Variants in OVCH1 observed in about 807,000 individuals in gnomAD.
OVCH1 encodes ovochymase-1.
Under a neutral mutation model 138.4 loss-of-function variants are expected in OVCH1, and 139 were observed. That is an observed-to-expected ratio of 1.00 (90% CI 0.87 to 1.16). The LOEUF is 1.16. Among genes scored for constraint, OVCH1 ranks in the 50% most tolerant of loss-of-function variants. OVCH1 has a pLI of 0.00. For missense variants in OVCH1, 1,367 were observed against 1,357.9 expected (o/e 1.01, Z -0.11); for synonymous variants, 453 against 467.8 (o/e 0.97, Z 0.41).
intron 17 of OVCH1, 145 bp downstream of exon 17, chr12:29,465,002 G>T: frequency 2.6e-6 from 2 of 782,406 alleles, no homozygotes; most frequent in South Asian, 4.0e-5. Flanking sequence ...ATCTCAAATT[G>T]CATTTTTAAA....
At chr12:29,434,855 C>CT (rs1421829350) in intron 26 of OVCH1, among the ~76,000 whole-genome samples, 1 of 152,100 alleles carries the variant, frequency 6.6e-6, no homozygotes, top group Non-Finnish European at 1.5e-5. Flanking sequence ...GAATAGAGAG[C>CT]TGGATGTTCC....
chr12:29,416,912 T>C (rs889992897), intron 3 of OVCH1, among the ~76,000 whole-genome samples: 1 of 152,204 alleles, frequency 6.6e-6, no homozygotes, highest in African/African-American at 2.4e-5. Flanking sequence ...TAGATATGCT[T>C]TGACAGAAGA....
downstream of OVCH1, among the ~76,000 whole-genome samples, chr12:29,407,609 A>T (rs949399901): frequency 6.6e-6 from 1 of 151,770 alleles, no homozygotes; most frequent in Non-Finnish European, 1.5e-5. Context: ...CAAAGATCAG[A>T]TAGTTGTAGA....
At chr12:29,472,197 T>G (rs919903442) in intron 15 of OVCH1, among the ~76,000 whole-genome samples, 1 of 152,206 alleles carries the variant, frequency 6.6e-6, no homozygotes, top group Non-Finnish European at 1.5e-5. Flanking sequence ...GCCTACAGAA[T>G]TTTATTTATT....
At chr12:29,408,017 C>G (rs571378902), downstream of OVCH1, among the ~76,000 whole-genome samples, 15 of 140,348 alleles carry the variant, frequency 1.1e-4, no homozygotes, top group Admixed American at 4.3e-4. Flanking sequence ...TGAAGAGGTC[C>G]TTCACATCCC....
intron 15 of OVCH1, 66 bp from the exon 16 acceptor site, chr12:29,472,048 C>T (rs1942529966): frequency 6.9e-7 from 1 of 1,442,304 alleles, no homozygotes; most frequent in Non-Finnish European, 9.3e-7. Context: ...CCTCCAATAG[C>T]TTGCCATAGT....
At position 29,438,488 on chromosome 12, in the gene OVCH1, A is replaced by T. The variant is rs888228232; in HGVS notation, c.3264+840T>A. On this transcript the variant is annotated intron_variant, in intron 26 of 27. Transcript: ENST00000318184. ...CCAGAAAAAAAAAAATTCCATTGGGATTTAGTTGGAAAATATATTTTTAAA... is the reference window on the plus strand; with the variant it reads ...CCAGAAAAAAAAAAATTCCATTGGGTTTTAGTTGGAAAATATATTTTTAAA... 2.0e-5 allele frequency among the ~76,000 whole-genome samples: 3 copies of T among 151,714 alleles called. No individual in the cohort carries two copies. The East Asian group carries it at 5.8e-4, about 29-fold the overall frequency.
In OVCH1 at chr12:29,439,357, ATG is replaced by A. The variant is rs1410853469; in HGVS notation, c.3233_3234del (p.Thr1078IlefsTer12). 6 of 1,581,302 alleles carry A rather than the reference ATG, an allele frequency of 3.8e-6. No homozygotes were observed. The highest frequency in any genetic ancestry group is 5.1e-6 in the Non-Finnish European group (6 of 1,165,782). Reference sequence around the variant, plus strand: ...GAATTTTCCCATATATGCATGATATATGTGTTAATAAAATTCAGTTTTTCTCT... The same window carrying A: ...GAATTTTCCCATATATGCATGATATATGTTAATAAAATTCAGTTTTTCTCT... On this transcript the variant is annotated frameshift_variant, in exon 26 of 28. Transcript: ENST00000318184. LOFTEE classifies it high-confidence loss of function.
intron 4 of OVCH1, 114 bp from the exon 5 acceptor site, chr12:29,491,306 G>T: frequency 1.1e-6 from 1 of 873,744 alleles, no homozygotes; most frequent in Non-Finnish European, 1.7e-6. Flanking sequence ...TAAATGTAAT[G>T]GTGACATATT....
rs79093579 is a variant in OVCH1 at position 29,481,772 on chromosome 12, G to A, written c.996-2864C>T. Among the ~76,000 whole-genome samples the A allele has an allele frequency of 4.0e-3, 603 of 152,206 alleles. 26 individuals carry two copies. The East Asian group carries it at 0.091, about 23-fold the overall frequency. On this transcript the variant is annotated intron_variant, in intron 8 of 27. Transcript: ENST00000318184. ...CCTCTCTTGACCCTACTGTCTAAAAGCCACCACCCCAATGTTTCCATCTCA... is the reference window on the plus strand; with the variant it reads ...CCTCTCTTGACCCTACTGTCTAAAAACCACCACCCCAATGTTTCCATCTCA...
the OVCH1 span, among the ~76,000 whole-genome samples, chr12:29,407,278 T>A: frequency 7.6e-6 from 1 of 131,134 alleles, no homozygotes; most frequent in Admixed American, 7.6e-5. Context: ...CTGATGGTAG[T>A]TTCTTTCGCT....
Position 29,451,473 on chromosome 12 carries a change from AC to A in OVCH1, c.2626del (p.Val876CysfsTer30). The A allele has an allele frequency of 6.2e-7, 1 of 1,613,354 alleles. No individual in the cohort carries two copies. Among genetic ancestry groups the A allele is most frequent in the South Asian group, 1.1e-5 (1 of 91,060 alleles). ...CATACTGCTTGCTGAAACTCTGAGC[AC>A]CCAAGAACATTCCAGTCTTCCTCTA... On this transcript the variant is annotated frameshift_variant, in exon 22 of 28. Coordinates refer to ENST00000318184, the Ensembl canonical transcript of OVCH1. LOFTEE classifies it high-confidence loss of function.
chr12:29,464,094 T>A (rs1480401003), intron 18 of OVCH1, among the ~76,000 whole-genome samples: 4 of 152,220 alleles, frequency 2.6e-5, no homozygotes, highest in Admixed American at 2.0e-4. Context: ...CAAAGAATGA[T>A]ATTTCATGAC....
downstream of OVCH1, among the ~76,000 whole-genome samples, chr12:29,425,588 T>C (rs1157016627): frequency 6.6e-6 from 1 of 152,224 alleles, no homozygotes; most frequent in Non-Finnish European, 1.5e-5. Flanking sequence ...TCCCACGTTT[T>C]CTACTTATTA....
intron 13 of OVCH1, among the ~76,000 whole-genome samples, chr12:29,475,423 C>G (rs889387049): frequency 3.3e-5 from 5 of 151,892 alleles, no homozygotes; most frequent in Admixed American, 3.3e-4. Context: ...TCCAGTACGC[C>G]CGGAAACTCA....
At chr12:29,486,169 A>G in intron 8 of OVCH1, 81 bp downstream of exon 8, 2 of 1,290,350 alleles carry the variant, frequency 1.5e-6, no homozygotes, top group Non-Finnish European at 2.2e-6. Context: ...CAGATTGTGA[A>G]TATGGTACAA....
intron 16 of OVCH1, among the ~76,000 whole-genome samples, chr12:29,469,275 C>T (rs1322022171): frequency 2.0e-5 from 3 of 152,106 alleles, no homozygotes; most frequent in Admixed American, 6.6e-5. Context: ...GAATAGTATG[C>T]TACTTCTGTG....
At chr12:29,437,096 C>T (rs1379277813) in intron 26 of OVCH1, among the ~76,000 whole-genome samples, 1 of 152,088 alleles carries the variant, frequency 6.6e-6, no homozygotes, top group Non-Finnish European at 1.5e-5. Flanking sequence ...TGCATTTTTA[C>T]AGAGTGCTCA....
chr12:29,427,828 G>A (rs914211659), intron 27 of OVCH1, among the ~76,000 whole-genome samples: 1 of 152,188 alleles, frequency 6.6e-6, no homozygotes. Context: ...AATTGTGCGA[G>A]CTCACAAATA....
Sources: allele counts gnomAD v4.1 joint callset (sites outside exome capture counted in the v4.1 genomes callset), GRCh38; gene constraint gnomAD v4.1.1; transcripts MANE v1.5; gene names NCBI Gene and HGNC (gene_info 2026-07-23, HGNC 2026-07-21).